ANKRD24: variants seen among roughly 807,000 people sequenced by gnomAD.
ANKRD24 encodes ankyrin repeat domain 24.
In ANKRD24, 109 loss-of-function variants were observed where a neutral mutation model predicts 127.8. That is an observed-to-expected ratio of 0.85 (90% CI 0.73 to 1.00). ANKRD24 has a LOEUF of 1.00. ANKRD24 is among the 50% of genes least tolerant of loss of function. The pLI is 0.00. For synonymous variants in ANKRD24, 743 were observed against 671.1 expected, an observed-to-expected ratio of 1.11 and a Z score of -1.66; for missense variants, 1,648 against 1,570.2, an observed-to-expected ratio of 1.05 and a Z score of -0.84.
At chr19:4,186,183 A>G (rs996857799) in intron 1 of ANKRD24, 3 of 1,188,928 alleles carry the variant, frequency 2.5e-6, no homozygotes, top group South Asian at 3.2e-5. Context: ...CTGTCACTGT[A>G]TAGATGAGGG....
chr19:4,210,121 G>A lies in ANKRD24; in HGVS notation c.934G>A (p.Ala312Thr), dbSNP rs755434637. The A allele has an allele frequency of 3.7e-6, 6 of 1,610,322 alleles. No individual in the cohort carries two copies. The highest frequency in any genetic ancestry group is 1.3e-5 in the African/African-American group (1 of 74,980). The change falls in exon 12 of 22, where the codon GCC becomes ACC. Residue 312 changes from alanine (A) to threonine (T), a missense_variant. By Grantham distance (58) the Ala-to-Thr change is moderately conservative. Coordinates refer to ENST00000318934, the MANE Select transcript of ANKRD24 (RefSeq NM_001393985.1). ...PKKRKAPPPP[A>T]SIPMPDDRDA... The stretch of plus-strand genomic sequence containing the variant: ...GAAGCGGAAGGCGCCTCCACCTCCC[G>A]CCAGCATTCCCATGCCGGTGAGAGA...
intron 7 of ANKRD24, among the ~76,000 whole-genome samples, chr19:4,204,783 C>T (rs527463968): frequency 6.6e-6 from 1 of 152,308 alleles, no homozygotes; most frequent in African/African-American, 2.4e-5. Context: ...TATGCTGCCA[C>T]CTAGTGGCGG....
Sources: gnomAD v4.1 joint callset for allele counts (sites outside exome capture counted in the v4.1 genomes callset) on GRCh38, gnomAD v4.1.1 for gene constraint, MANE v1.5 for transcripts, NCBI Gene and HGNC (gene_info 2026-07-23, HGNC 2026-07-21) for gene names.